PTPRB: variants seen among roughly 807,000 people sequenced by gnomAD.
PTPRB encodes receptor-type tyrosine-protein phosphatase beta.
In PTPRB, 97 loss-of-function variants were observed where a neutral mutation model predicts 238.1. That is an observed-to-expected ratio of 0.41 (90% CI 0.35 to 0.48). The LOEUF is 0.48. PTPRB is among the 20% of genes least tolerant of loss of function. The pLI is 0.30. For synonymous variants in PTPRB, 970 were observed against 995.4 expected (o/e 0.97, Z 0.48); for missense variants, 2,292 against 2,681.9 (o/e 0.85, Z 3.21).
intron 21 of PTPRB, among the ~76,000 whole-genome samples, chr12:70,547,347 T>G (rs1485540936): frequency 6.6e-6 from 1 of 151,382 alleles, no homozygotes; most frequent in Non-Finnish European, 1.5e-5. Flanking sequence ...AGGTGAGGAG[T>G]TGGTGTGTTT....
In PTPRB at chr12:70,536,868, C is replaced by T. The variant is rs1874204691; in HGVS notation, c.5947-709G>A. ...CAGCATGGTGCCTGCTTGGCTGAGC[C>T]TTCTTTTATCTTTCTCTCTGCTGGG... On this transcript the variant is annotated intron_variant, in intron 28 of 33. Coordinates refer to ENST00000334414, the MANE Select transcript of PTPRB (RefSeq NM_001109754.4). 2.6e-5 allele frequency among the ~76,000 whole-genome samples: 4 copies of T among 152,208 alleles called. No homozygotes were observed. In the South Asian group the frequency reaches 8.3e-4, roughly 32 times the overall value.
chr12:70,540,183 A>G (rs972618474), intron 23 of PTPRB, 161 bp from the exon 24 acceptor site: 6 of 595,110 alleles, frequency 1.0e-5, no homozygotes, highest in South Asian at 5.0e-5. Flanking sequence ...GAAAGGAAAG[A>G]GAATAAAGTA....
At position 70,517,068 on chromosome 12, in the gene PTPRB, A is replaced by G. The variant is rs1215220945; in HGVS notation, c.*4421T>C. The G allele has an allele frequency of 6.6e-6, 1 of 152,352 alleles. No homozygotes were observed. The highest frequency in any genetic ancestry group is 1.9e-4 in the East Asian group (1 of 5,188). The allele number at this position is 152,352 out of a possible 1,614,324, so 9.4% of individuals were successfully genotyped here. A position where few individuals can be genotyped will look rare whatever the true frequency, so the allele number is the denominator to read the frequency against. On this transcript the variant is annotated 3_prime_UTR_variant, in exon 34 of 34. Coordinates refer to ENST00000334414, the MANE Select transcript of PTPRB (RefSeq NM_001109754.4). ...TGTTATCATGGCTGCATCAAATGTTACCCTGCATTTTAACTAAAATGGCCA... is the reference window on the plus strand; with the variant it reads ...TGTTATCATGGCTGCATCAAATGTTGCCCTGCATTTTAACTAAAATGGCCA...
Position 70,560,466 on chromosome 12 carries a change from T to C in PTPRB, c.4432+205A>G, listed in dbSNP as rs1446113145. Among the ~76,000 whole-genome samples the C allele has an allele frequency of 6.6e-6, 1 of 152,152 alleles. No individual in the cohort carries two copies. The highest frequency in any genetic ancestry group is 1.5e-5 in the Non-Finnish European group (1 of 68,032). ...AGAGATGCTCAATGACTTGCCCAGATTCATAGAGCTAAGCTAAGGACATAT... is the reference window on the plus strand; with the variant it reads ...AGAGATGCTCAATGACTTGCCCAGACTCATAGAGCTAAGCTAAGGACATAT... On this transcript the variant is annotated intron_variant, in intron 17 of 33. Coordinates refer to ENST00000334414, the MANE Select transcript of PTPRB (RefSeq NM_001109754.4). The surrounding 1 kb of genome is among the most constrained non-coding windows in gnomAD (Gnocchi z 4.2).
rs1311331845 is a variant in PTPRB, at chr12:70,517,716, G to C, written c.*3773C>G. 1.3e-5 allele frequency: 2 copies of C among 152,144 alleles called. No homozygotes were observed. Among genetic ancestry groups the C allele is most frequent in the Non-Finnish European group, 2.9e-5 (2 of 68,026 alleles). 9.4% of individuals were successfully genotyped at this position (152,144 alleles called of 1,614,324 possible). On this transcript the variant is annotated 3_prime_UTR_variant, in exon 34 of 34. Coordinates refer to ENST00000334414, the MANE Select transcript of PTPRB (RefSeq NM_001109754.4). ...TTACCTATTGATTTTCACCAGGTCA[G>C]GTTTGGTCTGGCTCATGTTTGTAAA...
intron 8 of PTPRB, among the ~76,000 whole-genome samples, chr12:70,588,868 G>A (rs1352526480): frequency 6.6e-6 from 1 of 152,068 alleles, no homozygotes; most frequent in Non-Finnish European, 1.5e-5. Context: ...CACAAGAATT[G>A]CTTGAACCTA....
intron 7 of PTPRB, chr12:70,591,915 G>A: frequency 3.9e-6 from 1 of 258,910 alleles, no homozygotes; most frequent in Non-Finnish European, 7.5e-6. Context: ...GCACTGGATA[G>A]ATAAGTGAGG....
intron 1 of PTPRB, among the ~76,000 whole-genome samples, chr12:70,636,922 C>T (rs974441549): frequency 1.3e-5 from 2 of 152,240 alleles, no homozygotes; most frequent in Middle Eastern, 3.4e-3. Flanking sequence ...TGACAACTTC[C>T]AAATAAAACA....
chr12:70,529,413 C>G (rs412394), intron 32 of PTPRB, among the ~76,000 whole-genome samples: 1 of 151,868 alleles, frequency 6.6e-6, no homozygotes, highest in Non-Finnish European at 1.5e-5. Context: ...ATTTACAATA[C>G]GATAACCTCC....
chr12:70,541,754 T>C (rs1478526776), intron 22 of PTPRB: 1 of 152,234 alleles, frequency 6.6e-6, no homozygotes, highest in African/African-American at 2.4e-5. Context: ...TTTAGCATAA[T>C]GTTTTCAAGG....
At position 70,605,135 on chromosome 12, in the gene PTPRB, T is replaced by C. The variant is rs1883839284; in HGVS notation, c.979+3934A>G. Among the ~76,000 whole-genome samples the C allele has an allele frequency of 2.6e-5, 4 of 152,228 alleles. No individual in the cohort carries two copies. In the South Asian group the frequency reaches 8.3e-4, roughly 32 times the overall value. ...TTGTTTTTTATTTTTCTAGGCTGAC[T>C]AATAAGTAGCTGAAACTGACTTAAC... On this transcript the variant is annotated intron_variant, in intron 4 of 33. Coordinates refer to ENST00000334414, the MANE Select transcript of PTPRB (RefSeq NM_001109754.4).
At chr12:70,547,899 C>T (rs1290501699) in intron 21 of PTPRB, among the ~76,000 whole-genome samples, 3 of 152,098 alleles carry the variant, frequency 2.0e-5, no homozygotes, top group African/African-American at 4.8e-5. Context: ...AGGTTTGGAA[C>T]CTGAAGCTAG....
intron 3 of PTPRB, among the ~76,000 whole-genome samples, chr12:70,618,738 C>T (rs2583999): frequency 0.21 from 31,246 of 152,176 alleles, 3,937 homozygotes; most frequent in East Asian, 0.57. Context: ...TGAAGACACG[C>T]AATCCACATA....
intron 2 of PTPRB, among the ~76,000 whole-genome samples, chr12:70,630,535 T>A (rs1281541936): frequency 1.3e-5 from 2 of 152,106 alleles, no homozygotes; most frequent in Admixed American, 1.3e-4. Flanking sequence ...CTCTCACCAC[T>A]CCTATTCGAC....
intron 9 of PTPRB, chr12:70,585,276 T>G (rs1024022248): frequency 4.6e-5 from 7 of 152,192 alleles, no homozygotes; most frequent in Non-Finnish European, 8.8e-5. Context: ...GAAATCTTGA[T>G]GACTTTGCTT....
At chr12:70,600,185 A>G (rs1326826395) in intron 4 of PTPRB, among the ~76,000 whole-genome samples, 1 of 152,208 alleles carries the variant, frequency 6.6e-6, no homozygotes, top group Non-Finnish European at 1.5e-5. Context: ...AGGGCAGCCA[A>G]TCCATGAGTT....
Position 70,636,045 on chromosome 12 carries a change from A to G in PTPRB, c.77T>C (p.Val26Ala), listed in dbSNP as rs1442181688. The G allele has an allele frequency of 1.9e-6, 3 of 1,612,764 alleles. No homozygotes were observed. Among genetic ancestry groups the G allele is most frequent in the Admixed American group, 3.3e-5 (2 of 59,898 alleles). Reference sequence around the variant, plus strand: ...TTTGAAAAGACACTGTTGTTTCTGGACATGGACAATCTGAAACCCTTCTGG... The same window carrying G: ...TTTGAAAAGACACTGTTGTTTCTGGGCATGGACAATCTGAAACCCTTCTGG... ...RNSEGFQIVH[V>A]QKQQCLFKNE... The change falls in exon 2 of 34, where the codon GTC (valine) becomes GCC (alanine). Residue 26 changes from valine to alanine, a missense_variant. By Grantham distance (64) the Val-to-Ala change is moderately conservative (BLOSUM62 0). This residue lies in a region of PTPRB where 1,205 missense variants were observed against 1,287.8 expected (regional missense o/e 0.94). Transcript: ENST00000334414.
chr12:70,575,876 A>T (rs990701531), intron 11 of PTPRB, among the ~76,000 whole-genome samples: 1 of 152,222 alleles, frequency 6.6e-6, no homozygotes, highest in African/African-American at 2.4e-5. Context: ...GTGAAAAAGG[A>T]TGAATAGTGG....
chr12:70,636,107 A>G (rs761550746), intron 1 of PTPRB, 41 bp from the exon 2 acceptor site: 3 of 1,507,058 alleles, frequency 2.0e-6, no homozygotes, highest in Middle Eastern at 2.2e-4. Context: ...GTAGCAAATT[A>G]TGAGGCCCAT....
Sources: gnomAD v4.1 joint callset for allele counts (sites outside exome capture counted in the v4.1 genomes callset) on GRCh38, gnomAD v4.1.1 for gene constraint, gnomAD v4.1.1 regional missense constraint, Gnocchi (gnomAD v3.1) non-coding constraint, MANE v1.5 for transcripts, NCBI Gene and HGNC (gene_info 2026-07-23, HGNC 2026-07-21) for gene names.